The following HMGCL variants were observed in gnomAD, a reference collection of about 807,000 sequenced individuals.
HMGCL encodes the protein 3-hydroxy-3-methylglutaryl-CoA lyase.
In HMGCL, 26 loss-of-function variants were observed where a neutral mutation model predicts 37.3. That is an observed-to-expected ratio of 0.70 (90% CI 0.51 to 0.97). HMGCL has a LOEUF of 0.97. HMGCL is among the 50% of genes least tolerant of loss of function. HMGCL has a pLI of 0.00. For missense variants in HMGCL, 379 were observed against 398.1 expected, an observed-to-expected ratio of 0.95 and a Z score of 0.41; for synonymous variants, 151 against 148.0, an observed-to-expected ratio of 1.02 and a Z score of -0.15.
chr1:23,814,190 C>T lies in HMGCL; in HGVS notation c.497G>A (p.Gly166Glu). 1 of 1,613,596 alleles carries T rather than the reference C, an allele frequency of 6.2e-7. No homozygotes were observed. The change falls in exon 5 of 9, where the codon GGG becomes GAG. Residue 166 changes from glycine to glutamate, a missense_variant and splice_region_variant. Transcript: ENST00000374490. ...AGGATACCAATGTGCTCTGACTCACCCCCGCACAGAAATATTGGCTGACTG... is the reference window on the plus strand; with the variant it reads ...AGGATACCAATGTGCTCTGACTCACTCCCGCACAGAAATATTGGCTGACTG... ...AAQSANISVR[G>E]YVSCALGCPY...
chr1:23,822,064 C>T (rs1001795152), intron 1 of HMGCL, among the ~76,000 whole-genome samples: 1 of 152,306 alleles, frequency 6.6e-6, no homozygotes, highest in Non-Finnish European at 1.5e-5. Context: ...CCTTGTCTGT[C>T]TCAACTCCAC....
intron 7 of HMGCL, 145 bp downstream of exon 7, chr1:23,807,990 G>A: frequency 2.8e-6 from 2 of 714,882 alleles, no homozygotes; most frequent in South Asian, 1.7e-5. Context: ...TTCACATCTG[G>A]GCAGGGTCAC....
intron 7 of HMGCL, chr1:23,807,263 C>G (rs1638428842): frequency 1.9e-6 from 1 of 518,106 alleles, no homozygotes; most frequent in Non-Finnish European, 3.8e-6. Flanking sequence ...AGCCCAGGAA[C>G]CAGGGCAGGG....
rs772593559 is a variant in HMGCL at position 23,810,742 on chromosome 1, T to C, written c.555A>G (p.Val185=). 6.2e-7 allele frequency: 1 copy of C among 1,613,938 alleles called. No homozygotes were observed. The highest frequency in any genetic ancestry group is 1.1e-5 in the South Asian group (1 of 91,078). The change falls in exon 6 of 9, where the codon GTA becomes GTG. Residue 185 remains valine, a synonymous_variant. Transcript: ENST00000374490. The part of the protein sequence containing the change: ...PYEGKISPAK[V]AEVTKKFYSM... ...CCCTGACACATGCACACACCTCAGC[T>C]ACTTTAGCTGGGGAGATCTTCCCTT...
At chr1:23,820,483 G>GT (rs553489157) in intron 2 of HMGCL, 27 bp downstream of exon 2, 117 of 1,556,536 alleles carry the variant, frequency 7.5e-5, no homozygotes, top group Middle Eastern at 1.7e-4. Flanking sequence ...TGAAAAAACT[G>GT]TTTTTTTGGC....
chr1:23,814,017 T>C, intron 5 of HMGCL, 173 bp downstream of exon 5: 1 of 724,622 alleles, frequency 1.4e-6, no homozygotes, highest in East Asian at 2.7e-5. Context: ...TGAGAGAAAG[T>C]ACTTCCTAGG....
chr1:23,810,373 A>G, intron 6 of HMGCL: 1 of 315,810 alleles, frequency 3.2e-6, no homozygotes, highest in Non-Finnish European at 6.2e-6. Context: ...CTCAGTGTTG[A>G]CCTGGTGACT....
chr1:23,818,130 C>T (rs1055091148), intron 2 of HMGCL, among the ~76,000 whole-genome samples: 2 of 152,146 alleles, frequency 1.3e-5, no homozygotes, highest in African/African-American at 2.4e-5. Flanking sequence ...TCTATGGCTC[C>T]CTAATATTTA....
rs760474502 is a variant in HMGCL at position 23,814,288 on chromosome 1, G to C, written c.399C>G (p.Leu133=). 6.2e-7 allele frequency: 1 copy of C among 1,614,072 alleles called. No individual in the cohort carries two copies. Among genetic ancestry groups the C allele is most frequent in the Non-Finnish European group, 8.5e-7 (1 of 1,180,010 alleles). Residue 133 remains leucine, a synonymous_variant, in exon 5 of 9, where the codon CTC becomes CTG. Transcript: ENST00000374490. ...AACAATTGATGTTCTTCTTGGTGAA[G>C]AGCTCTGAGGCAGCTCCAAAGATGA... ...EVVIFGAASE[L]FTKKNINCSI...
intron 7 of HMGCL, among the ~76,000 whole-genome samples, chr1:23,804,859 A>C (rs1638372706): frequency 4.3e-5 from 6 of 138,790 alleles, no homozygotes; most frequent in South Asian, 2.4e-4. Flanking sequence ...CCTGTTGTTT[A>C]CTGTGATTCA....
At chr1:23,820,807 A>G (rs1638704923) in intron 1 of HMGCL, among the ~76,000 whole-genome samples, 3 of 152,218 alleles carry the variant, frequency 2.0e-5, no homozygotes, top group Admixed American at 6.5e-5. Context: ...TCCTTCCAGT[A>G]CCGGTTCTCC....
intron 4 of HMGCL, among the ~76,000 whole-genome samples, chr1:23,815,156 G>A (rs12138610): frequency 3.3e-5 from 5 of 151,918 alleles, no homozygotes; most frequent in Admixed American, 6.6e-5. Context: ...GCAGTGAGCC[G>A]AGATCATGCC....
rs531329011 is a variant in HMGCL at position 23,806,554 on chromosome 1, G to A, written c.750+1581C>T. On this transcript the variant is annotated intron_variant, in intron 7 of 8. Coordinates refer to ENST00000374490, the MANE Select transcript of HMGCL (RefSeq NM_000191.3). The surrounding 1 kb of genome is among the most constrained non-coding windows in gnomAD (Gnocchi z 4.0). Reference sequence around the variant, plus strand: ...AGGGATCCGCAGGGCTCACTCCCTCGCTTCCCTCAGGTCTCTCTCAAATGC... The same window carrying A: ...AGGGATCCGCAGGGCTCACTCCCTCACTTCCCTCAGGTCTCTCTCAAATGC... The A allele has an allele frequency of 2.7e-4, 51 of 189,018 alleles. No homozygotes were observed. In the East Asian group the frequency reaches 5.0e-3, roughly 18 times the overall value. The allele number at this position is 189,018 out of a possible 1,614,324, so 11.7% of individuals were successfully genotyped here.
intron 2 of HMGCL, among the ~76,000 whole-genome samples, chr1:23,819,006 TAAAAAA>T (rs11371330): frequency 2.1e-3 from 90 of 43,140 alleles, no homozygotes; most frequent in African/African-American, 8.3e-3. Context: ...ATGGACGTGC[TAAAAAA>T]AAAAAAAAAA....
chr1:23,802,580 T>TA lies in HMGCL; in HGVS notation c.877-17dup, dbSNP rs1557484736. ...GATTCACACCCTTTGAGAAACAAGT[T>TA]AGAGGATGCGGTAAGTCATGGTATG... is the stretch of plus-strand genomic sequence containing the variant. On this transcript the variant is annotated splice_polypyrimidine_tract_variant and intron_variant, in intron 8 of 8. Transcript: ENST00000374490. 3 of 1,547,412 alleles carry TA rather than the reference T, an allele frequency of 1.9e-6. No homozygotes were observed. In the African/African-American group the frequency reaches 4.1e-5, roughly 21 times the overall value.
At chr1:23,811,396 A>C (rs1638518252) in intron 5 of HMGCL, among the ~76,000 whole-genome samples, 2 of 152,244 alleles carry the variant, frequency 1.3e-5, no homozygotes, top group South Asian at 4.1e-4. Flanking sequence ...CTCAGAGCTT[A>C]TCTCAAGTTA....
rs576807625 is a variant in HMGCL, at chr1:23,810,307, G to A, written c.561+429C>T. 18 of 223,028 alleles carry A rather than the reference G, an allele frequency of 8.1e-5. No individual in the cohort carries two copies. In the South Asian group the frequency reaches 8.6e-4, roughly 11 times the overall value. 13.8% of individuals were successfully genotyped at this position (223,028 alleles called of 1,614,324 possible). On this transcript the variant is annotated intron_variant, in intron 6 of 8. Coordinates refer to ENST00000374490, the MANE Select transcript of HMGCL (RefSeq NM_000191.3). ...ACCAAATTTGCACAGTGGTTTTGAG[G>A]ACTAAATGACATAAGTTCTTGGGCT...
chr1:23,809,234 A>T (rs1429526998), intron 6 of HMGCL: 30 of 72,760 alleles, frequency 4.1e-4, no homozygotes, highest in African/African-American at 1.7e-3. Context: ...ATATATATAT[A>T]TATATTTTTT....
chr1:23,813,804 G>C (rs564192687), intron 5 of HMGCL: 1 of 299,492 alleles, frequency 3.3e-6, no homozygotes, highest in South Asian at 3.4e-5. Flanking sequence ...TAGTGATAAA[G>C]CCAGGACTCA....
Sources: gnomAD v4.1 joint callset for allele counts (sites outside exome capture counted in the v4.1 genomes callset) on GRCh38, gnomAD v4.1.1 for gene constraint, Gnocchi (gnomAD v3.1) non-coding constraint, MANE v1.5 for transcripts, NCBI Gene and HGNC (gene_info 2026-07-23, HGNC 2026-07-21) for gene names.